SLIT3: variants seen among roughly 807,000 people sequenced by gnomAD.
The protein encoded by SLIT3 is slit guidance ligand 3.
In SLIT3, 68 loss-of-function variants were observed where a neutral mutation model predicts 184.0. The ratio of observed to expected loss-of-function variants is 0.37; its 90% CI spans 0.30 to 0.45. The LOEUF is 0.45. Ranked by LOEUF, SLIT3 falls within the 20% of genes least tolerant of loss-of-function variation. The probability of loss-of-function intolerance (pLI) is 1.00; values close to 1 mark genes in which losing one functional copy is unlikely to be tolerated. For missense variants in SLIT3, 1,707 were observed against 2,026.0 expected (o/e 0.84, Z 3.02); for synonymous variants, 831 against 828.6 (o/e 1.00, Z -0.05).
At chr5:169,219,642 C>T (rs1244098608) in intron 3 of SLIT3, among the ~76,000 whole-genome samples, 2 of 152,196 alleles carry the variant, frequency 1.3e-5, no homozygotes, top group Non-Finnish European at 2.9e-5. Context: ...CCACGACCCA[C>T]AGATGCATGA....
chr5:169,254,485 T>C (rs1340095308), intron 1 of SLIT3, among the ~76,000 whole-genome samples: 1 of 124,164 alleles, frequency 8.1e-6, no homozygotes, highest in Non-Finnish European at 1.6e-5. Context: ...TCTTTCTTTC[T>C]TTTTTTTTTT....
In SLIT3 at chr5:168,857,732, C is replaced by T. The variant is rs148700343; in HGVS notation, c.486-13077G>A. On this transcript the variant is annotated intron_variant, in intron 5 of 35. Transcript: ENST00000519560. ...TTACTCCGGTTTTGAACAGTTAAGA[C>T]GAGGACTCTCCAGGGGGTCGGAGGG... Among the ~76,000 whole-genome samples the T allele has an allele frequency of 3.6e-3, 547 of 152,250 alleles. 4 individuals carry two copies. Among genetic ancestry groups the T allele is most frequent in the East Asian group, 0.029 (150 of 5,182 alleles).
chr5:168,724,513 G>A lies in SLIT3; in HGVS notation c.2271-29C>T, dbSNP rs374840665. The A allele has an allele frequency of 3.8e-6, 6 of 1,586,834 alleles. No individual in the cohort carries two copies. In the African/African-American group the frequency reaches 6.7e-5, roughly 18 times the overall value. The stretch of plus-strand genomic sequence containing the variant: ...AAAGAGGTGTGGAGAGACAACACCT[G>A]AGAAAGAGACACTGTACAAATTCTC... On this transcript the variant is annotated intron_variant, in intron 20 of 35. Coordinates refer to ENST00000519560, the MANE Select transcript of SLIT3 (RefSeq NM_003062.4).
At position 168,669,785 on chromosome 5, in the gene SLIT3, T is replaced by G; in HGVS notation, c.4334A>C (p.Gln1445Pro). 1 of 1,613,152 alleles carries G rather than the reference T, an allele frequency of 6.2e-7. No individual in the cohort carries two copies. The highest frequency in any genetic ancestry group is 1.3e-5 in the African/African-American group (1 of 75,014). Residue 1445 changes from glutamine to proline, a missense_variant and splice_region_variant, in exon 35 of 36, where the codon CAA (glutamine) becomes CCA (proline). Gln to Pro is a moderately conservative substitution (Grantham distance 76). This residue lies in a region of SLIT3 where 387 missense variants were observed against 477.9 expected (regional missense o/e 0.81). Coordinates refer to ENST00000519560, the MANE Select transcript of SLIT3 (RefSeq NM_003062.4). ...TCCCACAGGCACAGTAGACCCACCT[T>G]GTTGGCAGTGCTCGCCGCTAAAGCC... ...QPGFSGEHCQ[Q>P]ENPCLGQVVR... is the part of the protein sequence containing the mutation.
chr5:168,888,897 T>C (rs924613332), intron 4 of SLIT3, among the ~76,000 whole-genome samples: 2 of 152,196 alleles, frequency 1.3e-5, no homozygotes, highest in Admixed American at 6.5e-5. Flanking sequence ...AACCTGCCCA[T>C]TGGTGCATTC....
chr5:169,182,901 C>T (rs1342343002), intron 4 of SLIT3, among the ~76,000 whole-genome samples: 3 of 152,178 alleles, frequency 2.0e-5, no homozygotes, highest in South Asian at 4.1e-4. Flanking sequence ...GGTGATGCCA[C>T]AAAACCCTGC....
chr5:169,009,997 G>A (rs1756084205), intron 4 of SLIT3, among the ~76,000 whole-genome samples: 1 of 152,180 alleles, frequency 6.6e-6, no homozygotes, highest in African/African-American at 2.4e-5. Context: ...TAGCATGCAA[G>A]ACTCCCTGGC....
At chr5:169,111,187 C>A (rs1760396495) in intron 4 of SLIT3, among the ~76,000 whole-genome samples, 1 of 152,208 alleles carries the variant, frequency 6.6e-6, no homozygotes, top group Non-Finnish European at 1.5e-5. Context: ...GCCTTCCCTG[C>A]CCTGGCTCAC....
intron 4 of SLIT3, among the ~76,000 whole-genome samples, chr5:169,016,311 C>G (rs1756373720): frequency 6.6e-6 from 1 of 152,258 alleles, no homozygotes; most frequent in South Asian, 2.1e-4. Context: ...TGGTCTAATA[C>G]AGAAGCACAT....
intron 5 of SLIT3, among the ~76,000 whole-genome samples, chr5:168,864,933 C>T (rs575458187): frequency 1.3e-5 from 2 of 151,792 alleles, no homozygotes; most frequent in African/African-American, 2.4e-5. Flanking sequence ...TTTGGGAGAC[C>T]GAGGCGGGTG....
At chr5:169,074,944 C>T (rs1046300901) in intron 4 of SLIT3, among the ~76,000 whole-genome samples, 5 of 152,090 alleles carry the variant, frequency 3.3e-5, no homozygotes, top group African/African-American at 4.8e-5. Flanking sequence ...GAAATGTCAC[C>T]GCTGACCTCT....
chr5:168,768,203 G>A lies in SLIT3; in HGVS notation c.1459+4578C>T, dbSNP rs751147155. 2.5e-5 allele frequency: 13 copies of A among 525,680 alleles called. No individual in the cohort carries two copies. In the East Asian group the frequency reaches 2.7e-4, roughly 11 times the overall value. 32.6% of individuals were successfully genotyped at this position (525,680 alleles called of 1,614,324 possible). On this transcript the variant is annotated intron_variant, in intron 14 of 35. Transcript: ENST00000519560. ...GACAGAACCATGTTCCGTTTCCATC[G>A]TTCCACCACATGGTTAGATCAAGCA...
At chr5:169,015,029 G>A (rs1165226988) in intron 4 of SLIT3, among the ~76,000 whole-genome samples, 1 of 151,790 alleles carries the variant, frequency 6.6e-6, no homozygotes, top group Non-Finnish European at 1.5e-5. Flanking sequence ...CTTGCAGGAG[G>A]GCAAAAAGCA....
chr5:168,946,709 C>T (rs929015294), intron 4 of SLIT3, among the ~76,000 whole-genome samples: 1 of 152,190 alleles, frequency 6.6e-6, no homozygotes, highest in Non-Finnish European at 1.5e-5. Flanking sequence ...TGCCTGGGGT[C>T]TTTCGACACC....
chr5:169,209,674 T>C (rs1197507165), intron 3 of SLIT3, among the ~76,000 whole-genome samples: 2 of 152,188 alleles, frequency 1.3e-5, no homozygotes, highest in African/African-American at 4.8e-5. Flanking sequence ...GAAACCATCA[T>C]TCTCAGCAAG....
intron 14 of SLIT3, among the ~76,000 whole-genome samples, chr5:168,766,205 T>C (rs1177123536): frequency 1.3e-5 from 2 of 152,170 alleles, no homozygotes; most frequent in Admixed American, 1.3e-4. Flanking sequence ...TGTTATCTGA[T>C]CATCATGGAC....
In SLIT3 at chr5:168,722,244, T is replaced by C. The variant is rs1762965393; in HGVS notation, c.2483+12A>G. 6.2e-7 allele frequency: 1 copy of C among 1,613,156 alleles called. No homozygotes were observed. Among genetic ancestry groups the C allele is most frequent in the Non-Finnish European group, 8.5e-7 (1 of 1,179,274 alleles). On this transcript the variant is annotated intron_variant, in intron 23 of 35. Transcript: ENST00000519560. Reference sequence around the variant, plus strand: ...AATGTGTAAGTCAAAATCAGCACATTGGGGTACTCACAGCACTCGCAGGGA... The same window carrying C: ...AATGTGTAAGTCAAAATCAGCACATCGGGGTACTCACAGCACTCGCAGGGA...
At chr5:169,259,822 T>A (rs1021383972) in intron 1 of SLIT3, among the ~76,000 whole-genome samples, 1 of 151,876 alleles carries the variant, frequency 6.6e-6, no homozygotes, top group Non-Finnish European at 1.5e-5. Context: ...GAAAATGAAA[T>A]ATAGCTTGGT....
intron 4 of SLIT3, among the ~76,000 whole-genome samples, chr5:169,092,884 A>G (rs1581402432): frequency 6.6e-6 from 1 of 152,312 alleles, no homozygotes; most frequent in South Asian, 2.1e-4. Context: ...TGCCATCTAC[A>G]TCAGCTAGCG....
Sources: gnomAD v4.1 joint callset for allele counts (sites outside exome capture counted in the v4.1 genomes callset) on GRCh38, gnomAD v4.1.1 for gene constraint, gnomAD v4.1.1 regional missense constraint, MANE v1.5 for transcripts, NCBI Gene and HGNC (gene_info 2026-07-23, HGNC 2026-07-21) for gene names.